The following C8orf34 variants were observed in gnomAD, a reference collection of about 807,000 sequenced individuals.
C8orf34 encodes the protein chromosome 8 open reading frame 34.
A neutral mutation model predicts 68.3 loss-of-function variants in C8orf34; 65 were observed. The observed-to-expected ratio is 0.95, with a 90% CI of 0.78 to 1.17. The LOEUF (loss-of-function observed/expected upper bound fraction) is 1.17. Among genes scored for constraint, C8orf34 ranks in the 50% most tolerant of loss-of-function variants. C8orf34 has a pLI of 0.00. For synonymous variants in C8orf34, 244 were observed against 241.2 expected (o/e 1.01, Z -0.11); for missense variants, 664 against 655.4 (o/e 1.01, Z -0.14).
At chr8:68,334,948 A>G (rs1805784364) in intron 1 of C8orf34, among the ~76,000 whole-genome samples, 1 of 151,932 alleles carries the variant, frequency 6.6e-6, no homozygotes, top group African/African-American at 2.4e-5. Flanking sequence ...GCAACCCTGA[A>G]CTCCAATTTG....
At chr8:68,491,292 G>A (rs1030393830) in intron 5 of C8orf34, among the ~76,000 whole-genome samples, 22 of 150,658 alleles carry the variant, frequency 1.5e-4, no homozygotes, top group African/African-American at 3.9e-4. Context: ...TGTCACTAAC[G>A]TTTTTCTTTC....
chr8:68,446,362 A>G lies in C8orf34; in HGVS notation c.509A>G (p.Tyr170Cys), dbSNP rs1415770157. 1.2e-6 allele frequency: 2 copies of G among 1,609,860 alleles called. No individual in the cohort carries two copies. The highest frequency in any genetic ancestry group is 1.7e-6 in the Non-Finnish European group (2 of 1,178,808). The change falls in exon 3 of 14, where the codon TAT becomes TGT. Residue 170 changes from tyrosine to cysteine, a missense_variant. Tyr to Cys is a radical substitution (Grantham distance 194). Coordinates refer to ENST00000518698, the MANE Select transcript of C8orf34 (RefSeq NM_052958.4). The part of the protein sequence containing the change: ...SKGTRRDFRS[Y>C]DKPWQLNAKK... Reference sequence around the variant, plus strand: ...GGAACAAGAAGGGATTTCAGAAGCTATGATAAACCTTGGCAATTAAATGCA... The same window carrying G: ...GGAACAAGAAGGGATTTCAGAAGCTGTGATAAACCTTGGCAATTAAATGCA...
intron 1 of C8orf34, among the ~76,000 whole-genome samples, chr8:68,421,986 A>G (rs1809996631): frequency 6.6e-6 from 1 of 152,186 alleles, no homozygotes; most frequent in Non-Finnish European, 1.5e-5. Flanking sequence ...TCATGAAAAC[A>G]GAATGCAGGA....
intron 8 of C8orf34, among the ~76,000 whole-genome samples, chr8:68,696,426 C>T (rs534088946): frequency 4.0e-4 from 60 of 149,438 alleles, no homozygotes; most frequent in Non-Finnish European, 8.0e-4. Flanking sequence ...TTTTTATTAC[C>T]GGTCCTTTAC....
At chr8:68,600,917 GCA>G (rs1817679400) in intron 7 of C8orf34, among the ~76,000 whole-genome samples, 1 of 151,886 alleles carries the variant, frequency 6.6e-6, no homozygotes, top group South Asian at 2.1e-4. Context: ...TCTCCTCCTC[GCA>G]CACACACTTC....
chr8:68,674,981 G>T (rs941130871), intron 8 of C8orf34, among the ~76,000 whole-genome samples: 14 of 151,938 alleles, frequency 9.2e-5, no homozygotes, highest in African/African-American at 3.4e-4. Context: ...AACTTTACAG[G>T]CCAGGAGACC....
intron 7 of C8orf34, among the ~76,000 whole-genome samples, chr8:68,595,181 CACTT>C (rs892802303): frequency 5.3e-5 from 8 of 149,632 alleles, no homozygotes; most frequent in South Asian, 2.1e-4. Flanking sequence ...AATATACTGA[CACTT>C]ACCCCCCAAA....
intron 7 of C8orf34, among the ~76,000 whole-genome samples, chr8:68,603,073 A>G (rs1035329608): frequency 6.6e-6 from 1 of 152,062 alleles, no homozygotes; most frequent in African/African-American, 2.4e-5. Context: ...TCAGGTTCCT[A>G]ATCAGTCCAT....
At chr8:68,451,100 G>C (rs1021967473) in intron 3 of C8orf34, among the ~76,000 whole-genome samples, 1 of 152,068 alleles carries the variant, frequency 6.6e-6, no homozygotes, top group African/African-American at 2.4e-5. Context: ...GTGTTATGGA[G>C]ATGGCTTATT....
intron 9 of C8orf34, among the ~76,000 whole-genome samples, chr8:68,720,809 A>G (rs1182836555): frequency 6.6e-6 from 1 of 151,754 alleles, no homozygotes; most frequent in Non-Finnish European, 1.5e-5. Context: ...GAAAGCCACT[A>G]CTCACCCACC....
At chr8:68,678,728 G>A (rs901818221) in intron 8 of C8orf34, among the ~76,000 whole-genome samples, 40 of 152,002 alleles carry the variant, frequency 2.6e-4, no homozygotes, top group African/African-American at 8.9e-4. Flanking sequence ...ACATCATACT[G>A]GAAGTCCTAG....
chr8:68,384,681 T>C (rs1404808855), intron 1 of C8orf34, among the ~76,000 whole-genome samples: 2 of 152,010 alleles, frequency 1.3e-5, no homozygotes, highest in East Asian at 1.9e-4. Flanking sequence ...GTTGTTTAAA[T>C]ACATAAAATG....
chr8:68,591,273 A>T (rs1436066219), intron 7 of C8orf34, among the ~76,000 whole-genome samples: 2 of 152,304 alleles, frequency 1.3e-5, no homozygotes, highest in East Asian at 1.9e-4. Flanking sequence ...GGTAGAGACC[A>T]TAAGAGGAAG....
chr8:68,394,781 C>T (rs1343601240), intron 1 of C8orf34, among the ~76,000 whole-genome samples: 1 of 151,784 alleles, frequency 6.6e-6, no homozygotes, highest in Non-Finnish European at 1.5e-5. Flanking sequence ...CTAGTGGCCA[C>T]CATTAGTGAT....
chr8:68,504,822 G>A (rs1038905302), intron 5 of C8orf34, among the ~76,000 whole-genome samples: 3 of 152,028 alleles, frequency 2.0e-5, no homozygotes, highest in South Asian at 2.1e-4. Flanking sequence ...TGAGATTACA[G>A]GTGCCTGCCA....
At chr8:68,582,812 A>G (rs1338445729) in intron 7 of C8orf34, among the ~76,000 whole-genome samples, 1 of 152,134 alleles carries the variant, frequency 6.6e-6, no homozygotes, top group Non-Finnish European at 1.5e-5. Flanking sequence ...ACATACATCC[A>G]TAGGAGACAC....
chr8:68,700,227 T>C (rs1820949725), intron 8 of C8orf34, among the ~76,000 whole-genome samples: 1 of 151,978 alleles, frequency 6.6e-6, no homozygotes, highest in Non-Finnish European at 1.5e-5. Context: ...GTGTTGGAAA[T>C]TTTTCTTGGA....
intron 8 of C8orf34, among the ~76,000 whole-genome samples, chr8:68,673,055 C>T (rs1001751712): frequency 6.6e-6 from 1 of 152,042 alleles, no homozygotes; most frequent in African/African-American, 2.4e-5. Flanking sequence ...AAGGTAAGTA[C>T]TTACTTCTGG....
intron 3 of C8orf34, among the ~76,000 whole-genome samples, chr8:68,459,167 G>A (rs1041368558): frequency 2.6e-5 from 4 of 152,180 alleles, no homozygotes; most frequent in Non-Finnish European, 5.9e-5. Context: ...TCATTAAAAA[G>A]AAAAATAATA....
Sources: allele counts gnomAD v4.1 joint callset (sites outside exome capture counted in the v4.1 genomes callset), GRCh38; gene constraint gnomAD v4.1.1; transcripts MANE v1.5; gene names NCBI Gene and HGNC (gene_info 2026-07-23, HGNC 2026-07-21).